POU2AF2: variants seen among roughly 807,000 people sequenced by gnomAD.
POU2AF2 encodes the protein POU class 2 homeobox associating factor 2, also known as POU domain class 2-associating factor 2.
the POU2AF2 span, among the ~76,000 whole-genome samples, chr11:111,270,967 C>T: frequency 6.6e-6 from 1 of 152,292 alleles, no homozygotes; most frequent in African/African-American, 2.4e-5. Flanking sequence ...TCATTTCCAA[C>T]CTGTCATTTT....
At chr11:111,277,172 A>G in the POU2AF2 span, among the ~76,000 whole-genome samples, 1 of 152,230 alleles carries the variant, frequency 6.6e-6, no homozygotes, top group East Asian at 1.9e-4. Flanking sequence ...TTAAATATAC[A>G]TGGTAAAATT....
chr11:111,268,369 C>T, the POU2AF2 span, among the ~76,000 whole-genome samples: 1 of 152,028 alleles, frequency 6.6e-6, no homozygotes, highest in Non-Finnish European at 1.5e-5. Flanking sequence ...CTGAACCGAC[C>T]CTACAACATG....
chr11:111,285,549 G>C, the POU2AF2 span: 1 of 1,239,940 alleles, frequency 8.1e-7, no homozygotes, highest in Non-Finnish European at 1.1e-6. Flanking sequence ...AGGCAGCAGA[G>C]AGAGGGGACG....
chr11:111,277,917 C>T, the POU2AF2 span, among the ~76,000 whole-genome samples: 59 of 152,338 alleles, frequency 3.9e-4, no homozygotes, highest in African/African-American at 1.4e-3. Context: ...ATAACATGGG[C>T]GCCTGCTACA....
At chr11:111,276,456 AT>A in the POU2AF2 span, among the ~76,000 whole-genome samples, 42 of 36,576 alleles carry the variant, frequency 1.1e-3, no homozygotes, top group African/African-American at 2.5e-3. Context: ...AAAAAAAAAT[AT>A]ATATATATAT....
chr11:111,253,735 A>G, the POU2AF2 span, among the ~76,000 whole-genome samples: 3 of 152,230 alleles, frequency 2.0e-5, no homozygotes, highest in Non-Finnish European at 2.9e-5. Context: ...CGTATGGCCT[A>G]GAGGATGCAT....
chr11:111,284,274 G>C, the POU2AF2 span: 2 of 1,613,890 alleles, frequency 1.2e-6, no homozygotes, highest in African/African-American at 1.3e-5. Context: ...GGAGACTACC[G>C]GCCTCCGGCG....
the POU2AF2 span, among the ~76,000 whole-genome samples, chr11:111,246,695 A>T: frequency 7.9e-5 from 12 of 152,238 alleles, no homozygotes; most frequent in Admixed American, 5.9e-4. Flanking sequence ...TTAAAAAATA[A>T]TAAATTGTAT....
the POU2AF2 span, chr11:111,284,520 A>ATGCC: frequency 1.8e-5 from 18 of 1,019,788 alleles, no homozygotes; most frequent in East Asian, 4.7e-4. Context: ...CTGCCTAGAG[A>ATGCC]TGCCAGGACA....
the POU2AF2 span, among the ~76,000 whole-genome samples, chr11:111,268,497 A>G: frequency 3.8e-5 from 2 of 52,888 alleles, no homozygotes; most frequent in African/African-American, 1.0e-4. Flanking sequence ...ATTTTATTTT[A>G]TTTTATTTTA....
At chr11:111,264,780 T>G in the POU2AF2 span, among the ~76,000 whole-genome samples, 105 of 74,984 alleles carry the variant, frequency 1.4e-3, no homozygotes, top group Middle Eastern at 0.014. Flanking sequence ...AGGAAGGAGA[T>G]GAAGGAAGGA....
the POU2AF2 span, among the ~76,000 whole-genome samples, chr11:111,282,566 T>C: frequency 6.6e-6 from 1 of 152,220 alleles, no homozygotes; most frequent in African/African-American, 2.4e-5. Context: ...AAAGAAAATG[T>C]ATAAGGCATG....
At chr11:111,261,382 A>G in the POU2AF2 span, among the ~76,000 whole-genome samples, 1 of 152,194 alleles carries the variant, frequency 6.6e-6, no homozygotes, top group Admixed American at 6.5e-5. Flanking sequence ...TTCAAATAAC[A>G]TCATAAAATT....
At chr11:111,281,278 C>T in the POU2AF2 span, 1 of 734,672 alleles carries the variant, frequency 1.4e-6, no homozygotes, top group Non-Finnish European at 2.1e-6. Flanking sequence ...GAGGGTCAAC[C>T]CAACTCCCCA....
the POU2AF2 span, among the ~76,000 whole-genome samples, chr11:111,266,901 C>T: frequency 6.6e-6 from 1 of 152,190 alleles, no homozygotes; most frequent in Non-Finnish European, 1.5e-5. Context: ...CATTATGATT[C>T]CAGCCCAAGG....
At chr11:111,264,312 G>T in the POU2AF2 span, among the ~76,000 whole-genome samples, 1 of 151,696 alleles carries the variant, frequency 6.6e-6, no homozygotes, top group Non-Finnish European at 1.5e-5. Context: ...CCTGGCCAAC[G>T]TGGTGAAACC....
chr11:111,251,283 G>A, the POU2AF2 span, among the ~76,000 whole-genome samples: 1 of 152,154 alleles, frequency 6.6e-6, no homozygotes, highest in Non-Finnish European at 1.5e-5. Flanking sequence ...ATGAGACAGA[G>A]GAGCCTAGAA....
chr11:111,265,851 A>T, the POU2AF2 span, among the ~76,000 whole-genome samples: 1 of 138,354 alleles, frequency 7.2e-6, no homozygotes, highest in African/African-American at 2.8e-5. Flanking sequence ...TGTAGGTTTG[A>T]AAACTTTATT....
the POU2AF2 span, among the ~76,000 whole-genome samples, chr11:111,283,904 G>A: frequency 6.6e-6 from 1 of 152,062 alleles, no homozygotes; most frequent in Non-Finnish European, 1.5e-5. Context: ...TAGTTATTTG[G>A]GCTAATGCAG....
Sources: allele counts gnomAD v4.1 joint callset (sites outside exome capture counted in the v4.1 genomes callset), GRCh38; gene constraint gnomAD v4.1.1; transcripts MANE v1.5; gene names NCBI Gene and HGNC (gene_info 2026-07-23, HGNC 2026-07-21).